Variants in TOX observed in about 807,000 individuals in gnomAD.
TOX encodes thymocyte selection associated high mobility group box.
TOX carries 11 observed loss-of-function variants against 53.7 expected under a neutral mutation model. That is an observed-to-expected ratio of 0.20 (90% CI 0.13 to 0.34). The LOEUF is 0.34. Among genes scored for constraint, TOX ranks in the 10% least tolerant of loss-of-function variants. TOX has a pLI of 1.00. For missense variants in TOX, 570 were observed against 664.6 expected, an observed-to-expected ratio of 0.86 and a Z score of 1.56; for synonymous variants, 225 against 245.3, an observed-to-expected ratio of 0.92 and a Z score of 0.77.
At chr8:59,009,183 CTTTA>C (rs1813850486) in intron 1 of TOX, among the ~76,000 whole-genome samples, 1 of 150,566 alleles carries the variant, frequency 6.6e-6, no homozygotes, top group Non-Finnish European at 1.5e-5. Flanking sequence ...TCTCTCCTTT[CTTTA>C]TTCTTTTTTT....
At chr8:58,880,081 G>C (rs1811357595) in intron 3 of TOX, among the ~76,000 whole-genome samples, 1 of 152,168 alleles carries the variant, frequency 6.6e-6, no homozygotes, top group African/African-American at 2.4e-5. Context: ...GAAACCTAGA[G>C]CAGCTTCCGT....
intron 1 of TOX, among the ~76,000 whole-genome samples, chr8:59,099,145 C>G (rs1037022438): frequency 1.8e-4 from 27 of 152,142 alleles, no homozygotes; most frequent in African/African-American, 6.0e-4. Flanking sequence ...ATCTCAGAAC[C>G]TCTTGATATT....
intron 1 of TOX, among the ~76,000 whole-genome samples, chr8:58,976,162 C>T (rs1813096370): frequency 6.6e-6 from 1 of 152,148 alleles, no homozygotes; most frequent in Non-Finnish European, 1.5e-5. Flanking sequence ...TGATAGCATG[C>T]TACCTACAGT....
chr8:58,993,464 G>C (rs1341322370), intron 1 of TOX, among the ~76,000 whole-genome samples: 1 of 152,154 alleles, frequency 6.6e-6, no homozygotes, highest in Non-Finnish European at 1.5e-5. Context: ...GCCTAGTCTA[G>C]GAATCATTGC....
rs1810831473 is a variant in TOX, at chr8:58,851,854, A to G, written c.412-49T>C. On this transcript the variant is annotated intron_variant, in intron 3 of 8. Coordinates refer to ENST00000361421, the MANE Select transcript of TOX (RefSeq NM_014729.3). The surrounding 1 kb of genome is among the most constrained non-coding windows in gnomAD (Gnocchi z 4.4). ...AAATAAATAAATAAATAAATAGGAA[A>G]GGAGTAATTTTAACAAATATGTTTT... 8.0e-7 allele frequency: 1 copy of G among 1,250,492 alleles called. No individual in the cohort carries two copies. Among genetic ancestry groups the G allele is most frequent in the Non-Finnish European group, 1.0e-6 (1 of 986,494 alleles). 77.5% of individuals were successfully genotyped at this position (1,250,492 alleles called of 1,614,324 possible).
intron 1 of TOX, among the ~76,000 whole-genome samples, chr8:58,970,874 T>A (rs1812989928): frequency 6.6e-6 from 1 of 152,236 alleles, no homozygotes; most frequent in African/African-American, 2.4e-5. Flanking sequence ...TTCCATATTC[T>A]TTCATTTCTA....
At chr8:59,062,359 C>T (rs540091872) in intron 1 of TOX, among the ~76,000 whole-genome samples, 234 of 152,298 alleles carry the variant, frequency 1.5e-3, no homozygotes, top group African/African-American at 5.3e-3. Flanking sequence ...CCAAATGAAT[C>T]CGCTTTAGAG....
intron 3 of TOX, among the ~76,000 whole-genome samples, chr8:58,915,712 C>G (rs1009109171): frequency 2.6e-5 from 4 of 151,942 alleles, no homozygotes; most frequent in African/African-American, 4.8e-5. Flanking sequence ...GAATGATTTT[C>G]ACGAGCTGAG....
At chr8:59,075,950 A>C (rs554755845) in intron 1 of TOX, among the ~76,000 whole-genome samples, 1 of 151,550 alleles carries the variant, frequency 6.6e-6, no homozygotes, top group Non-Finnish European at 1.5e-5. Flanking sequence ...GGTTGCGGTG[A>C]GCCCAGATCG....
At chr8:59,010,890 A>G (rs1258470233) in intron 1 of TOX, among the ~76,000 whole-genome samples, 2 of 152,204 alleles carry the variant, frequency 1.3e-5, no homozygotes, top group African/African-American at 2.4e-5. Context: ...CTTCTGTGAT[A>G]TGGCTCAGGT....
chr8:59,065,681 C>T (rs1483028596), intron 1 of TOX, among the ~76,000 whole-genome samples: 1 of 152,052 alleles, frequency 6.6e-6, no homozygotes, highest in Non-Finnish European at 1.5e-5. Context: ...AGCTCTGTCA[C>T]AGAGCAGAAA....
chr8:59,048,896 T>C (rs1803736718), intron 1 of TOX, among the ~76,000 whole-genome samples: 2 of 152,182 alleles, frequency 1.3e-5, no homozygotes, highest in Admixed American at 1.3e-4. Context: ...TATATAAGTA[T>C]GTATAAGCAT....
intron 1 of TOX, among the ~76,000 whole-genome samples, chr8:59,103,523 A>G (rs894118573): frequency 2.6e-5 from 4 of 152,242 alleles, no homozygotes; most frequent in Non-Finnish European, 5.9e-5. Flanking sequence ...GTTGTAGAAT[A>G]TAAGATCCAC....
At chr8:58,876,009 G>T (rs1305353989) in intron 3 of TOX, among the ~76,000 whole-genome samples, 2 of 152,128 alleles carry the variant, frequency 1.3e-5, no homozygotes, top group Non-Finnish European at 2.9e-5. Context: ...ACTTTTCTTT[G>T]TATACTTAAC....
intron 3 of TOX, among the ~76,000 whole-genome samples, chr8:58,877,797 C>G (rs1485508980): frequency 6.6e-6 from 1 of 152,032 alleles, no homozygotes; most frequent in Non-Finnish European, 1.5e-5. Context: ...ACTTTCTAAT[C>G]CCAGCAACAA....
chr8:59,089,745 T>C (rs936461552), intron 1 of TOX, among the ~76,000 whole-genome samples: 1 of 152,222 alleles, frequency 6.6e-6, no homozygotes, highest in Non-Finnish European at 1.5e-5. Context: ...TGCATCTCCA[T>C]GCCCGGCTAA....
intron 1 of TOX, among the ~76,000 whole-genome samples, chr8:59,005,038 C>A (rs1813761790): frequency 1.1e-5 from 1 of 91,846 alleles, no homozygotes; most frequent in Admixed American, 1.4e-4. Flanking sequence ...TTGAAAATAT[C>A]ATTTTCTTTT....
chr8:59,055,480 T>C (rs1803873699), intron 1 of TOX, among the ~76,000 whole-genome samples: 1 of 152,158 alleles, frequency 6.6e-6, no homozygotes, highest in Non-Finnish European at 1.5e-5. Flanking sequence ...CAGGAGGCAG[T>C]GGCTAGTGAG....
At chr8:58,854,744 G>C (rs542325447) in intron 3 of TOX, among the ~76,000 whole-genome samples, 11 of 152,248 alleles carry the variant, frequency 7.2e-5, no homozygotes, top group South Asian at 6.2e-4. Flanking sequence ...GAGCATATCT[G>C]TGTCTTCAGT....
Sources: gnomAD v4.1 joint callset for allele counts (sites outside exome capture counted in the v4.1 genomes callset) on GRCh38, gnomAD v4.1.1 for gene constraint, Gnocchi (gnomAD v3.1) non-coding constraint, MANE v1.5 for transcripts, NCBI Gene and HGNC (gene_info 2026-07-23, HGNC 2026-07-21) for gene names.